The following SLX4IP variants were observed in gnomAD, a reference collection of about 807,000 sequenced individuals.
SLX4IP encodes the protein protein SLX4IP.
A neutral mutation model predicts 32.9 loss-of-function variants in SLX4IP; 34 were observed. The observed-to-expected ratio is 1.03, with a 90% confidence interval of 0.79 to 1.38. SLX4IP has a LOEUF of 1.38. Ranked by LOEUF, SLX4IP falls within the 40% of genes most tolerant of loss-of-function variation. The probability of loss-of-function intolerance (pLI) is 0.00; values close to 1 mark genes in which losing one functional copy is unlikely to be tolerated. For missense variants in SLX4IP, 444 were observed against 479.0 expected, an observed-to-expected ratio of 0.93 and a Z score of 0.68; for synonymous variants, 172 against 171.7, an observed-to-expected ratio of 1.00 and a Z score of -0.01.
intron 2 of SLX4IP, among the ~76,000 whole-genome samples, chr20:10,531,290 T>G (rs147383736): frequency 1.3e-5 from 2 of 152,230 alleles, no homozygotes; most frequent in African/African-American, 4.8e-5. Context: ...TACAGTTTCA[T>G]GAATGATTGG....
intron 4 of SLX4IP, among the ~76,000 whole-genome samples, chr20:10,580,213 G>T (rs1600124918): frequency 6.6e-6 from 1 of 152,226 alleles, no homozygotes; most frequent in East Asian, 1.9e-4. Context: ...GTTGAGGCCA[G>T]GTTAAAATCT....
chr20:10,555,851 C>T (rs2066261078), intron 2 of SLX4IP, among the ~76,000 whole-genome samples: 1 of 152,056 alleles, frequency 6.6e-6, no homozygotes, highest in African/African-American at 2.4e-5. Context: ...AAAGAATTCC[C>T]CTGGCTGTGC....
At chr20:10,581,836 C>T (rs553848054) in intron 4 of SLX4IP, among the ~76,000 whole-genome samples, 4 of 152,220 alleles carry the variant, frequency 2.6e-5, no homozygotes, top group East Asian at 3.9e-4. Context: ...GCAGGAGGAT[C>T]GCTTGAGCCC....
At chr20:10,572,637 C>G (rs534954261) in intron 4 of SLX4IP, among the ~76,000 whole-genome samples, 164 of 152,230 alleles carry the variant, frequency 1.1e-3, no homozygotes, top group Non-Finnish European at 2.0e-3. Context: ...TAGTTAACAT[C>G]TAAGAAACCC....
chr20:10,570,595 C>A (rs2066451616), intron 4 of SLX4IP, among the ~76,000 whole-genome samples: 2 of 151,620 alleles, frequency 1.3e-5, no homozygotes. Context: ...GTGGTACGAT[C>A]TCAGCTCATT....
At chr20:10,552,514 G>A (rs1014935779) in intron 2 of SLX4IP, among the ~76,000 whole-genome samples, 17 of 152,046 alleles carry the variant, frequency 1.1e-4, no homozygotes, top group African/African-American at 3.6e-4. Context: ...GGAGGGAGTT[G>A]AGAGAGCTCA....
At position 10,598,745 on chromosome 20, in the gene SLX4IP, G is replaced by T. The variant is rs1184312703; in HGVS notation, c.309G>T (p.Gln103His). 2 of 1,614,062 alleles carry T rather than the reference G, an allele frequency of 1.2e-6. No individual in the cohort carries two copies. The highest frequency in any genetic ancestry group is 3.3e-5 in the Admixed American group (2 of 60,018). The stretch of plus-strand genomic sequence containing the variant: ...GCCTTCGCTGCATCAGGAGCACACA[G>T]AATGCTGGTAAGAAGCCGATTTCTT... ...GIRLRCIRST[Q>H]NAELCVFPDR... Residue 103 changes from glutamine to histidine, a missense_variant, in exon 5 of 8, where the codon CAG becomes CAT. By Grantham distance (24) the Gln-to-His change is conservative (BLOSUM62 0). Transcript: ENST00000334534.
At chr20:10,533,906 C>T (rs1158337529) in intron 2 of SLX4IP, among the ~76,000 whole-genome samples, 1 of 150,272 alleles carries the variant, frequency 6.7e-6, no homozygotes, top group Non-Finnish European at 1.5e-5. Flanking sequence ...AGGTATGAGC[C>T]ACTGCACCTA....
chr20:10,579,715 C>T (rs549353519), intron 4 of SLX4IP, among the ~76,000 whole-genome samples: 50 of 152,266 alleles, frequency 3.3e-4, no homozygotes, highest in African/African-American at 1.2e-3. Context: ...CGTGAGCCAC[C>T]GTGCCTGGCC....
intron 3 of SLX4IP, 92 bp downstream of exon 3, chr20:10,556,412 A>G (rs2066267947): frequency 8.0e-7 from 1 of 1,249,458 alleles, no homozygotes; most frequent in Non-Finnish European, 1.1e-6. Flanking sequence ...TGTTAGTGGG[A>G]AAAAAATGTT....
In SLX4IP at chr20:10,478,191, G is replaced by A. The variant is rs555276158; in HGVS notation, c.27+19960G>A. 6.6e-5 allele frequency among the ~76,000 whole-genome samples: 10 copies of A among 152,254 alleles called. 1 individual carries two copies. Among genetic ancestry groups the A allele is most frequent in the African/African-American group, 1.9e-4 (8 of 41,534 alleles). On this transcript the variant is annotated intron_variant, in intron 2 of 7. Transcript: ENST00000334534. ...TCGGATTACAGGTGTGAGCCACCGC[G>A]CCCGGCCAAGCTCTCTTTTAAAAGC...
intron 6 of SLX4IP, among the ~76,000 whole-genome samples, chr20:10,607,521 G>T (rs955419068): frequency 2.0e-5 from 3 of 152,174 alleles, no homozygotes; most frequent in African/African-American, 7.2e-5. Context: ...AAGGCTGACT[G>T]CCCTGTCCCT....
chr20:10,557,741 G>A (rs16991803), intron 3 of SLX4IP, among the ~76,000 whole-genome samples: 9,051 of 152,256 alleles, frequency 0.059, 435 homozygotes, highest in South Asian at 0.21. Flanking sequence ...TATTGAGTCC[G>A]TTTTGCCCAA....
At chr20:10,502,771 C>CTT (rs76917011) in intron 2 of SLX4IP, among the ~76,000 whole-genome samples, 1 of 146,974 alleles carries the variant, frequency 6.8e-6, no homozygotes, top group Admixed American at 6.8e-5. Flanking sequence ...AAATAGTTTC[C>CTT]TTTTTTTTTT....
intron 4 of SLX4IP, among the ~76,000 whole-genome samples, chr20:10,567,677 A>G (rs532605318): frequency 6.6e-6 from 1 of 152,158 alleles, no homozygotes; most frequent in Non-Finnish European, 1.5e-5. Context: ...ACTCTATATA[A>G]CTTTTCCCCA....
At chr20:10,617,652 C>CTTTTTTTTTT (rs549525000) in intron 6 of SLX4IP, among the ~76,000 whole-genome samples, 10 of 112,742 alleles carry the variant, frequency 8.9e-5, no homozygotes, top group African/African-American at 1.3e-4. Flanking sequence ...TTCTTTCTTT[C>CTTTTTTTTTT]TTTTTTTTTT....
At chr20:10,614,314 G>A (rs1472952478) in intron 6 of SLX4IP, 2 of 584,330 alleles carry the variant, frequency 3.4e-6, no homozygotes, top group Non-Finnish European at 6.0e-6. Flanking sequence ...CAATTTTAAA[G>A]ACATTGAATA....
In SLX4IP at chr20:10,623,589, T is replaced by C. The variant is rs1340118580; in HGVS notation, c.*210T>C. ...GCTTGTTCTAACAGCGTTGCTTCTTTATCATTGTATTTTATGACTGTCTTC... is the reference window on the plus strand; with the variant it reads ...GCTTGTTCTAACAGCGTTGCTTCTTCATCATTGTATTTTATGACTGTCTTC... On this transcript the variant is annotated 3_prime_UTR_variant, in exon 8 of 8. Transcript: ENST00000334534. 1 of 654,664 alleles carries C rather than the reference T, an allele frequency of 1.5e-6. No homozygotes were observed. Among genetic ancestry groups the C allele is most frequent in the African/African-American group, 1.8e-5 (1 of 54,954 alleles). The allele number at this position is 654,664 out of a possible 1,614,324, so 40.6% of individuals were successfully genotyped here. A position where few individuals can be genotyped will look rare whatever the true frequency, so the allele number is the denominator to read the frequency against.
chr20:10,571,443 C>G (rs74762384), intron 4 of SLX4IP, among the ~76,000 whole-genome samples: 4,036 of 152,300 alleles, frequency 0.027, 98 homozygotes, highest in Admixed American at 0.087. Flanking sequence ...CCAGAGTGTG[C>G]TGCTGTCTCA....
Sources: gnomAD v4.1 joint callset for allele counts (sites outside exome capture counted in the v4.1 genomes callset) on GRCh38, gnomAD v4.1.1 for gene constraint, MANE v1.5 for transcripts, NCBI Gene and HGNC (gene_info 2026-07-23, HGNC 2026-07-21) for gene names.